The following METTL15 variants were observed in gnomAD, a reference collection of about 807,000 sequenced individuals.
METTL15 encodes the protein methyltransferase 15, mitochondrial 12S rRNA N4-cytidine, also known as 12S rRNA N(4)-cytidine methyltransferase METTL15.
METTL15 carries 34 observed loss-of-function variants against 38.3 expected under a neutral mutation model. That is an observed-to-expected ratio of 0.89 (90% CI 0.68 to 1.18). The LOEUF is 1.18. METTL15 is among the 50% of genes most tolerant of loss of function. The probability of loss-of-function intolerance (pLI) is 0.00; values close to 1 mark genes in which losing one functional copy is unlikely to be tolerated. For synonymous variants in METTL15, 162 were observed against 170.9 expected (o/e 0.95, Z 0.41); for missense variants, 438 against 498.4 (o/e 0.88, Z 1.15).
At chr11:28,251,042 A>G (rs181567431) in intron 4 of METTL15, among the ~76,000 whole-genome samples, 7 of 152,106 alleles carry the variant, frequency 4.6e-5, no homozygotes, top group African/African-American at 1.7e-4. Context: ...CTTTCCTTCA[A>G]TCACCTTTGA....
chr11:28,483,311 A>G (rs572135451), intron 6 of METTL15, among the ~76,000 whole-genome samples: 29 of 152,302 alleles, frequency 1.9e-4, no homozygotes, highest in Non-Finnish European at 4.0e-4. Context: ...GATGTCGGAT[A>G]TTTAGACGAC....
At position 28,411,814 on chromosome 11, in the gene METTL15, C is replaced by T. The variant is rs118112082; in HGVS notation, c.*359-12485C>T. Reference sequence around the variant, plus strand: ...CAAAATGAAAAAGAAACCTTCTGAACTGGAAAATAATAATTGCAAGCCACT... The same window carrying T: ...CAAAATGAAAAAGAAACCTTCTGAATTGGAAAATAATAATTGCAAGCCACT... On this transcript the variant is annotated intron_variant and NMD_transcript_variant, in intron 5 of 7. Coordinates refer to the METTL15 transcript ENST00000532947. 9.7e-3 allele frequency among the ~76,000 whole-genome samples: 1,476 copies of T among 152,104 alleles called. 13 individuals are homozygous for T. The highest frequency in any genetic ancestry group is 0.016 in the Non-Finnish European group (1,087 of 67,896).
chr11:28,513,037 T>C (rs1158118153), intron 6 of METTL15, among the ~76,000 whole-genome samples: 1 of 152,204 alleles, frequency 6.6e-6, no homozygotes, highest in South Asian at 2.1e-4. Flanking sequence ...TGCATGTAAG[T>C]GGACTTGCAT....
chr11:28,392,788 A>G (rs1204166832), intron 5 of METTL15, among the ~76,000 whole-genome samples: 1 of 152,084 alleles, frequency 6.6e-6, no homozygotes, highest in Non-Finnish European at 1.5e-5. Context: ...ATATATAAAG[A>G]TCTACAACTG....
At chr11:28,239,622 T>C (rs1854199007) in intron 4 of METTL15, among the ~76,000 whole-genome samples, 1 of 152,144 alleles carries the variant, frequency 6.6e-6, no homozygotes, top group Non-Finnish European at 1.5e-5. Flanking sequence ...TTGACCCCTG[T>C]TTTTTTACTC....
At chr11:28,253,833 AT>A (rs1351227825) in intron 4 of METTL15, among the ~76,000 whole-genome samples, 1 of 152,122 alleles carries the variant, frequency 6.6e-6, no homozygotes, top group Non-Finnish European at 1.5e-5. Flanking sequence ...TTATGGCTAA[AT>A]AGTACTCCAT....
chr11:28,185,656 T>C (rs1229260161), intron 3 of METTL15, among the ~76,000 whole-genome samples: 1 of 151,328 alleles, frequency 6.6e-6, no homozygotes, highest in East Asian at 1.9e-4. Flanking sequence ...TATTTCCCTT[T>C]GATGCTTTTA....
At chr11:28,469,058 A>C (rs1384457104) in intron 6 of METTL15, among the ~76,000 whole-genome samples, 1 of 152,126 alleles carries the variant, frequency 6.6e-6, no homozygotes, top group East Asian at 1.9e-4. Flanking sequence ...TTCCAAATTT[A>C]TTCATGGGTT....
chr11:28,392,553 G>T (rs1380066672), intron 5 of METTL15, among the ~76,000 whole-genome samples: 2 of 152,060 alleles, frequency 1.3e-5, no homozygotes, highest in Non-Finnish European at 2.9e-5. Context: ...GTGAAACTAT[G>T]CCAGAAGAAA....
At chr11:28,360,518 C>G (rs1444453630) in intron 4 of METTL15, among the ~76,000 whole-genome samples, 1 of 152,084 alleles carries the variant, frequency 6.6e-6, no homozygotes, top group Admixed American at 6.5e-5. Flanking sequence ...AGCTAGTCTG[C>G]AGAGAAACAG....
chr11:28,265,467 A>G (rs576833886), intron 4 of METTL15, among the ~76,000 whole-genome samples: 1 of 152,084 alleles, frequency 6.6e-6, no homozygotes, highest in East Asian at 1.9e-4. Flanking sequence ...TCTCTTTATT[A>G]TCTTTTACAT....
At chr11:28,210,564 T>C (rs1648270481) in intron 3 of METTL15, among the ~76,000 whole-genome samples, 1 of 151,974 alleles carries the variant, frequency 6.6e-6, no homozygotes, top group African/African-American at 2.4e-5. Flanking sequence ...TTCCAGATTT[T>C]ATCTGATTTG....
chr11:28,117,338 T>C (rs1216333136), intron 3 of METTL15, among the ~76,000 whole-genome samples: 1 of 146,940 alleles, frequency 6.8e-6, no homozygotes, highest in Non-Finnish European at 1.5e-5. Flanking sequence ...TGGAACCAAA[T>C]TCAGTGGCTT....
rs768724107 is a variant in METTL15, at chr11:28,172,701, C to T, written c.271-38361C>T. On this transcript the variant is annotated intron_variant, in intron 3 of 6. Coordinates refer to ENST00000407364, the MANE Select transcript of METTL15 (RefSeq NM_001113528.2). ...GAATCAGTTTATTCATTGTCTCAGA[C>T]ATTGCGTTAGGTACTAGTAGCCTGT... Among the ~76,000 whole-genome samples the T allele has an allele frequency of 2.6e-5, 4 of 152,276 alleles. No homozygotes were observed. The South Asian group carries it at 6.2e-4, about 24-fold the overall frequency.
At chr11:28,140,845 C>T (rs779244546) in intron 3 of METTL15, among the ~76,000 whole-genome samples, 1 of 152,148 alleles carries the variant, frequency 6.6e-6, no homozygotes, top group South Asian at 2.1e-4. Flanking sequence ...CCCCTGTGGG[C>T]GTGTGGGCAC....
intron 3 of METTL15, among the ~76,000 whole-genome samples, chr11:28,175,935 A>G (rs1055565436): frequency 6.6e-6 from 1 of 151,962 alleles, no homozygotes; most frequent in East Asian, 1.9e-4. Context: ...ATGTATAGGC[A>G]TATAATTTTT....
chr11:28,378,584 C>T (rs1411361393), intron 5 of METTL15, among the ~76,000 whole-genome samples: 1 of 152,114 alleles, frequency 6.6e-6, no homozygotes, highest in Non-Finnish European at 1.5e-5. Flanking sequence ...GAACCGGGTA[C>T]CTCAGATGGA....
intron 3 of METTL15, among the ~76,000 whole-genome samples, chr11:28,147,975 A>T (rs1849946175): frequency 6.6e-6 from 1 of 151,850 alleles, no homozygotes; most frequent in Admixed American, 6.6e-5. Context: ...GAGTATTACC[A>T]GTTAGAGTCT....
chr11:28,431,922 A>C (rs1850935563), intron 6 of METTL15, among the ~76,000 whole-genome samples: 1 of 152,124 alleles, frequency 6.6e-6, no homozygotes, highest in Non-Finnish European at 1.5e-5. Context: ...AGCTAATTGG[A>C]CAACAAGCAA....
Sources: allele counts gnomAD v4.1 joint callset (sites outside exome capture counted in the v4.1 genomes callset), GRCh38; gene constraint gnomAD v4.1.1; transcripts MANE v1.5; gene names NCBI Gene and HGNC (gene_info 2026-07-23, HGNC 2026-07-21).